The following UTP20 variants were observed in gnomAD, a reference collection of about 807,000 sequenced individuals.
The protein encoded by UTP20 is UTP20 small subunit processome component, also known as small subunit processome component 20 homolog.
A neutral mutation model predicts 329.5 loss-of-function variants in UTP20; 164 were observed. The observed-to-expected ratio is 0.50, with a 90% CI of 0.44 to 0.57. The LOEUF (loss-of-function observed/expected upper bound fraction) is 0.57. UTP20 is among the 20% of genes least tolerant of loss of function. The probability of loss-of-function intolerance (pLI) is 0.00; values close to 1 mark genes in which losing one functional copy is unlikely to be tolerated. For missense variants in UTP20, 3,055 were observed against 3,284.2 expected, an observed-to-expected ratio of 0.93 and a Z score of 1.71; for synonymous variants, 1,151 against 1,159.3, an observed-to-expected ratio of 0.99 and a Z score of 0.14.
Position 101,284,973 on chromosome 12 carries a change from G to A in UTP20, c.127-597G>A, listed in dbSNP as rs1054947289. 6.6e-5 allele frequency among the ~76,000 whole-genome samples: 10 copies of A among 152,246 alleles called. No homozygotes were observed. In the East Asian group the frequency reaches 1.7e-3, roughly 26 times the overall value. On this transcript the variant is annotated intron_variant, in intron 2 of 61. Transcript: ENST00000261637. ...TCTTCAGTGTAGTTCTAGTTCAATA[G>A]AGATATAGCTCTTTTTAGTAGCCAC...
At chr12:101,341,525 C>T (rs1226992558) in intron 32 of UTP20, among the ~76,000 whole-genome samples, 1 of 152,176 alleles carries the variant, frequency 6.6e-6, no homozygotes, top group Non-Finnish European at 1.5e-5. Context: ...ACAGTTGGCC[C>T]TCTGTATTCA....
In UTP20 at chr12:101,291,855, G is replaced by A. The variant is rs748750218; in HGVS notation, c.1005G>A (p.Gly335=). The A allele has an allele frequency of 6.2e-7, 1 of 1,613,820 alleles. No individual in the cohort carries two copies. Among genetic ancestry groups the A allele is most frequent in the Non-Finnish European group, 8.5e-7 (1 of 1,179,920 alleles). ...TTATACTTGTAAAACATGGAAGTGG[G>A]ACAAAGATACCCACGCCTGCTGATG... ...TYLILVKHGS[G]TKIPTPADVC... is the part of the protein sequence containing the mutation. Residue 335 remains glycine (G), a synonymous_variant, in exon 9 of 62, where the codon GGG becomes GGA. Transcript: ENST00000261637.
chr12:101,310,585 A>G lies in UTP20; in HGVS notation c.2231+746A>G, dbSNP rs971308588. ...AGTGAAACTCTGTCTCCCAAAAAAAAAAAAAAAAAAAAATACATGTTATGG... is the reference window on the plus strand; with the variant it reads ...AGTGAAACTCTGTCTCCCAAAAAAAGAAAAAAAAAAAAATACATGTTATGG... On this transcript the variant is annotated intron_variant, in intron 19 of 61. Transcript: ENST00000261637. Among the ~76,000 whole-genome samples, 3 of 149,544 alleles carry G rather than the reference A, an allele frequency of 2.0e-5. 1 individual carries two copies. Among genetic ancestry groups the G allele is most frequent in the Non-Finnish European group, 4.5e-5 (3 of 67,262 alleles).
intron 18 of UTP20, among the ~76,000 whole-genome samples, chr12:101,309,159 T>C (rs1413200216): frequency 1.3e-5 from 2 of 152,142 alleles, no homozygotes; most frequent in Admixed American, 1.3e-4. Context: ...CTCTTACCTG[T>C]TTTATAAATT....
chr12:101,333,865 T>C (rs896964479), intron 28 of UTP20, among the ~76,000 whole-genome samples: 1 of 152,222 alleles, frequency 6.6e-6, no homozygotes, highest in Non-Finnish European at 1.5e-5. Flanking sequence ...AGTTTCGCCA[T>C]GTTGGCCAGG....
At chr12:101,345,881 G>A (rs1442491964) in intron 37 of UTP20, among the ~76,000 whole-genome samples, 187 bp downstream of exon 37, 3 of 152,098 alleles carry the variant, frequency 2.0e-5, no homozygotes, top group Non-Finnish European at 4.4e-5. Flanking sequence ...TTCTTTGGTG[G>A]TATCACAAAC....
At chr12:101,289,282 C>T (rs1271668379) in intron 6 of UTP20, among the ~76,000 whole-genome samples, 1 of 151,972 alleles carries the variant, frequency 6.6e-6, no homozygotes, top group Non-Finnish European at 1.5e-5. Flanking sequence ...GAGGCTGAGA[C>T]ATGAGAATTG....
chr12:101,368,126 G>GTTTT, intron 48 of UTP20, 150 bp downstream of exon 48: 1 of 451,424 alleles, frequency 2.2e-6, no homozygotes, highest in Non-Finnish European at 4.0e-6. Context: ...GGGTTTTTGG[G>GTTTT]TTTTTTTTTT....
At chr12:101,372,810 C>A in intron 51 of UTP20, 74 bp from the exon 52 acceptor site, 1 of 1,279,466 alleles carries the variant, frequency 7.8e-7, no homozygotes, top group South Asian at 1.2e-5. Flanking sequence ...CCAGTGAGTT[C>A]CAGAAAGCAG....
intron 29 of UTP20, 115 bp from the exon 30 acceptor site, chr12:101,337,936 A>AT (rs1868984535): frequency 1.1e-6 from 1 of 938,892 alleles, no homozygotes; most frequent in South Asian, 1.7e-5. Flanking sequence ...TCCCCTTTGA[A>AT]TAATCTTATT....
At chr12:101,381,877 G>A (rs567046857) in intron 58 of UTP20, among the ~76,000 whole-genome samples, 1 of 151,246 alleles carries the variant, frequency 6.6e-6, no homozygotes, top group South Asian at 2.1e-4. Context: ...AAATTAGCTG[G>A]GCATGGTGGC....
intron 26 of UTP20, among the ~76,000 whole-genome samples, chr12:101,328,099 T>C (rs1211242734): frequency 6.6e-6 from 1 of 152,200 alleles, no homozygotes; most frequent in Non-Finnish European, 1.5e-5. Flanking sequence ...TAGAGAATTA[T>C]TTATAGGGTA....
At chr12:101,367,466 A>C (rs1870135128) in intron 47 of UTP20, among the ~76,000 whole-genome samples, 1 of 151,538 alleles carries the variant, frequency 6.6e-6, no homozygotes, top group Non-Finnish European at 1.5e-5. Context: ...CTCACCACCC[A>C]CTCTTTGCTC....
intron 23 of UTP20, among the ~76,000 whole-genome samples, chr12:101,320,040 T>TA (rs1873098795): frequency 6.6e-6 from 1 of 152,232 alleles, no homozygotes; most frequent in South Asian, 2.1e-4. Flanking sequence ...CAGTCATAAT[T>TA]ACGTGGCCCT....
At chr12:101,319,495 T>C in intron 22 of UTP20, 50 bp from the exon 23 acceptor site, 2 of 1,425,954 alleles carry the variant, frequency 1.4e-6, no homozygotes. Context: ...TTTAAGAAAA[T>C]GATCTCAATT....
intron 12 of UTP20, among the ~76,000 whole-genome samples, chr12:101,298,278 C>A (rs1027926007): frequency 6.6e-6 from 1 of 151,948 alleles, no homozygotes; most frequent in African/African-American, 2.4e-5. Context: ...AGATCCTGAT[C>A]GTGATAAAAG....
intron 56 of UTP20, among the ~76,000 whole-genome samples, 187 bp from the exon 57 acceptor site, chr12:101,379,184 C>G (rs957518749): frequency 2.6e-5 from 4 of 152,200 alleles, no homozygotes; most frequent in Non-Finnish European, 5.9e-5. Flanking sequence ...CTATCTAATT[C>G]TATTTTTGTA....
chr12:101,363,801 A>G (rs138125344), intron 45 of UTP20, 58 bp downstream of exon 45: 3 of 1,177,004 alleles, frequency 2.5e-6, no homozygotes, highest in Non-Finnish European at 3.8e-6. Flanking sequence ...GAGTTCCTAA[A>G]AGGAACCATG....
intron 1 of UTP20, 118 bp from the exon 2 acceptor site, chr12:101,280,992 TTTTCAG>T (rs1370810519): frequency 1.3e-6 from 1 of 757,632 alleles, no homozygotes; most frequent in Admixed American, 2.8e-5. Context: ...GGCCGTATGT[TTTTCAG>T]TTTATTTTTC....
Sources: allele counts gnomAD v4.1 joint callset (sites outside exome capture counted in the v4.1 genomes callset), GRCh38; gene constraint gnomAD v4.1.1; transcripts MANE v1.5; gene names NCBI Gene and HGNC (gene_info 2026-07-23, HGNC 2026-07-21).